KATNAL2: variants seen among roughly 807,000 people sequenced by gnomAD.
KATNAL2 encodes the protein katanin catalytic subunit A1 like 2.
A neutral mutation model predicts 76.3 loss-of-function variants in KATNAL2; 52 were observed. The ratio of observed to expected loss-of-function variants is 0.68; its 90% confidence interval spans 0.55 to 0.86. KATNAL2 has a LOEUF of 0.86. Among genes scored for constraint, KATNAL2 ranks in the 40% least tolerant of loss-of-function variants. The pLI, the probability that KATNAL2 is intolerant of heterozygous loss-of-function variation, is 0.00. For missense variants in KATNAL2, 660 were observed against 668.9 expected (o/e 0.99, Z 0.15); for synonymous variants, 243 against 244.2 (o/e 1.00, Z 0.05).
intron 1 of KATNAL2, chr18:46,920,264 T>G: frequency 2.6e-6 from 1 of 385,172 alleles, no homozygotes; most frequent in Non-Finnish European, 5.2e-6. Context: ...TACTGAGCAT[T>G]TATAGGCTTT....
chr18:47,031,749 G>C (rs897077394), intron 3 of KATNAL2, among the ~76,000 whole-genome samples: 2 of 152,138 alleles, frequency 1.3e-5, no homozygotes, highest in African/African-American at 2.4e-5. Flanking sequence ...AAAGTGCTGA[G>C]GTAGGGCCTT....
intron 5 of KATNAL2, 80 bp from the exon 6 acceptor site, chr18:47,054,316 A>T (rs1325742224): frequency 8.0e-7 from 1 of 1,249,720 alleles, no homozygotes; most frequent in East Asian, 2.3e-5. Context: ...CAATGCAAAA[A>T]GGGGAAACAT....
chr18:46,922,056 G>A (rs898095832), intron 1 of KATNAL2, among the ~76,000 whole-genome samples: 1 of 150,420 alleles, frequency 6.6e-6, no homozygotes, highest in Non-Finnish European at 1.5e-5. Context: ...ACCAAAACTA[G>A]TATCAAGGAA....
chr18:47,094,544 A>C (rs1243791004), intron 15 of KATNAL2, among the ~76,000 whole-genome samples: 1 of 152,174 alleles, frequency 6.6e-6, no homozygotes, highest in African/African-American at 2.4e-5. Context: ...AATGTTTATG[A>C]GAGGGGTACA....
At chr18:46,929,905 G>C (rs2058853333) in intron 1 of KATNAL2, among the ~76,000 whole-genome samples, 1 of 152,082 alleles carries the variant, frequency 6.6e-6, no homozygotes, top group Non-Finnish European at 1.5e-5. Flanking sequence ...CTCCCGAGTA[G>C]GTGGGATTAC....
intron 10 of KATNAL2, among the ~76,000 whole-genome samples, chr18:47,065,697 A>C (rs1222054152): frequency 6.6e-6 from 1 of 151,756 alleles, no homozygotes; most frequent in Admixed American, 6.6e-5. Flanking sequence ...ATAAAAGTGA[A>C]AGTTGGCTGG....
chr18:46,958,894 T>C (rs1041678206), intron 3 of KATNAL2, among the ~76,000 whole-genome samples: 1 of 152,244 alleles, frequency 6.6e-6, no homozygotes, highest in African/African-American at 2.4e-5. Flanking sequence ...AAAGTCATGT[T>C]TGTTTATTCT....
chr18:46,923,186 G>T (rs1453739395), intron 1 of KATNAL2, among the ~76,000 whole-genome samples: 2 of 150,724 alleles, frequency 1.3e-5, no homozygotes, highest in Admixed American at 1.3e-4. Context: ...TTAGCATTAG[G>T]TATATCTCCT....
At chr18:46,940,985 G>T (rs920260134) in intron 1 of KATNAL2, among the ~76,000 whole-genome samples, 1 of 152,080 alleles carries the variant, frequency 6.6e-6, no homozygotes, top group African/African-American at 2.4e-5. Flanking sequence ...TTGTGATGGT[G>T]CCACTGCACT....
At chr18:47,041,573 TATACCACA>T (rs1361379117) in intron 3 of KATNAL2, among the ~76,000 whole-genome samples, 1 of 152,232 alleles carries the variant, frequency 6.6e-6, no homozygotes, top group East Asian at 1.9e-4. Context: ...ATTGTCTGAG[TATACCACA>T]ATTTATTTAT....
At chr18:47,039,608 T>C (rs1257374228) in intron 3 of KATNAL2, among the ~76,000 whole-genome samples, 1 of 152,238 alleles carries the variant, frequency 6.6e-6, no homozygotes, top group Non-Finnish European at 1.5e-5. Flanking sequence ...CCTCCTCATC[T>C]TTAAGAAATT....
chr18:47,059,147 G>A (rs1319129499), intron 7 of KATNAL2, among the ~76,000 whole-genome samples: 3 of 152,256 alleles, frequency 2.0e-5, no homozygotes, highest in African/African-American at 7.2e-5. Flanking sequence ...TCATGTGGAA[G>A]AGAGGTGAAG....
At chr18:46,927,376 C>T (rs148194939) in intron 1 of KATNAL2, among the ~76,000 whole-genome samples, 11,699 of 151,958 alleles carry the variant, frequency 0.077, 484 homozygotes, top group African/African-American at 0.1. Flanking sequence ...GATTCTGGGT[C>T]GAAAATTCTT....
At chr18:47,082,656 TATA>T (rs1427513468) in intron 15 of KATNAL2, among the ~76,000 whole-genome samples, 2 of 152,198 alleles carry the variant, frequency 1.3e-5, no homozygotes, top group Non-Finnish European at 2.9e-5. Flanking sequence ...ATTTTGTGTG[TATA>T]ATAATTTATC....
At chr18:47,034,659 C>T in intron 3 of KATNAL2, 1 of 1,613,768 alleles carries the variant, frequency 6.2e-7, no homozygotes, top group Non-Finnish European at 8.5e-7. Context: ...GAGGCCCGCC[C>T]TGAGCCGCGT....
chr18:47,071,259 C>T (rs1488652322), intron 13 of KATNAL2, among the ~76,000 whole-genome samples: 1 of 152,144 alleles, frequency 6.6e-6, no homozygotes, highest in East Asian at 1.9e-4. Context: ...CTCGGGCTCC[C>T]AAAATGCTGG....
At chr18:47,033,046 G>C (rs750823099) in intron 3 of KATNAL2, 1 of 1,614,026 alleles carries the variant, frequency 6.2e-7, no homozygotes, top group Non-Finnish European at 8.5e-7. Context: ...AATTGCCTTG[G>C]CCATCAGCGG....
intron 4 of KATNAL2, among the ~76,000 whole-genome samples, chr18:47,051,406 A>G (rs1463433873): frequency 6.6e-6 from 1 of 151,752 alleles, no homozygotes; most frequent in Non-Finnish European, 1.5e-5. Context: ...AGCTTAGGTG[A>G]CAGAACAAGG....
intron 1 of KATNAL2, among the ~76,000 whole-genome samples, chr18:46,939,492 C>T (rs2059185224): frequency 6.6e-6 from 1 of 152,080 alleles, no homozygotes; most frequent in African/African-American, 2.4e-5. Flanking sequence ...AGCCAAAACC[C>T]ATAAAGTATT....
Sources: allele counts gnomAD v4.1 joint callset (sites outside exome capture counted in the v4.1 genomes callset), GRCh38; gene constraint gnomAD v4.1.1; transcripts MANE v1.5; gene names NCBI Gene and HGNC (gene_info 2026-07-23, HGNC 2026-07-21).